The following DNHD1 variants were observed in gnomAD, a reference collection of about 807,000 sequenced individuals.
The protein encoded by DNHD1 is dynein heavy chain domain-containing protein 1.
Under a neutral mutation model 458.1 loss-of-function variants are expected in DNHD1, and 383 were observed. That is an observed-to-expected ratio of 0.84 (90% CI 0.77 to 0.91). The LOEUF (loss-of-function observed/expected upper bound fraction) is 0.91, where lower values mean the gene tolerates loss of function less well. Among genes scored for constraint, DNHD1 ranks in the 40% least tolerant of loss-of-function variants. The pLI is 0.00. For synonymous variants in DNHD1, 2,203 were observed against 2,376.9 expected (o/e 0.93, Z 2.13); for missense variants, 5,336 against 5,866.1 (o/e 0.91, Z 2.95).
Position 6,544,467 on chromosome 11 carries a change from T to G in DNHD1, c.3755-107T>G. The G allele has an allele frequency of 2.8e-6, 3 of 1,061,452 alleles. No individual in the cohort carries two copies. The South Asian group carries it at 4.7e-5, about 17-fold the overall frequency. The allele number at this position is 1,061,452 out of a possible 1,614,324, so 65.8% of individuals were successfully genotyped here. A position where few individuals can be genotyped will look rare whatever the true frequency, so the allele number is the denominator to read the frequency against. Reference sequence around the variant, plus strand: ...CCTGAGTCCTGCTGGGCAGAGTATTTTGCTTGGGCTGGTGGGGTACCTGAG... The same window carrying G: ...CCTGAGTCCTGCTGGGCAGAGTATTGTGCTTGGGCTGGTGGGGTACCTGAG... On this transcript the variant is annotated intron_variant, in intron 19 of 42. Transcript: ENST00000254579.
chr11:6,506,972 G>A (rs1239502144), intron 4 of DNHD1, among the ~76,000 whole-genome samples: 2 of 152,188 alleles, frequency 1.3e-5, no homozygotes, highest in Non-Finnish European at 2.9e-5. Flanking sequence ...TAGATATTGA[G>A]TTTAGTACAG....
rs1159891937 is a variant in DNHD1, at chr11:6,519,710, G to A, written c.1503G>A (p.Lys501=). The A allele has an allele frequency of 5.0e-6, 8 of 1,614,206 alleles. No homozygotes were observed. The highest frequency in any genetic ancestry group is 5.9e-6 in the Non-Finnish European group (7 of 1,180,034). ...TATACCTTCAGAGGGTACAGCACAA[G>A]CAACTGGAGCAGAAGCTGAAGCAAG... ...GSIYLQRVQH[K]QLEQKLKQAE... Residue 501 remains lysine (K), a synonymous_variant, in exon 8 of 43, where the codon AAG becomes AAA. Transcript: ENST00000254579.
chr11:6,519,252 T>G lies in DNHD1; in HGVS notation c.1393-348T>G, dbSNP rs1852553130. Among the ~76,000 whole-genome samples the G allele has an allele frequency of 2.0e-5, 3 of 152,214 alleles. No individual in the cohort carries two copies. In the South Asian group the frequency reaches 6.2e-4, roughly 32 times the overall value. On this transcript the variant is annotated intron_variant, in intron 7 of 42. Coordinates refer to ENST00000254579, the MANE Select transcript of DNHD1 (RefSeq NM_144666.3). ...CATATCCTGAAATTATTGTTTAGCC[T>G]TATTTATCCCATCTTTTTCTTTTTG...
intron 28 of DNHD1, 47 bp from the exon 29 acceptor site, chr11:6,562,935 G>C (rs192798606): frequency 2.0e-5 from 31 of 1,534,782 alleles, no homozygotes; most frequent in African/African-American, 2.8e-5. Flanking sequence ...GGGGTTTCCC[G>C]CGTGGCCCAA....
intron 10 of DNHD1, among the ~76,000 whole-genome samples, chr11:6,526,024 TCTC>T (rs1311378638): frequency 6.8e-6 from 1 of 147,260 alleles, no homozygotes; most frequent in Admixed American, 6.8e-5. Context: ...TAATATTTGT[TCTC>T]TTCCCTTGCT....
At chr11:6,523,457 T>C (rs895342798) in intron 10 of DNHD1, among the ~76,000 whole-genome samples, 6 of 152,114 alleles carry the variant, frequency 3.9e-5, no homozygotes, top group East Asian at 3.9e-4. Context: ...TGAGGAGTCA[T>C]ATAAATATGT....
chr11:6,511,478 C>T (rs1852334895), intron 7 of DNHD1, 49 bp downstream of exon 7: 1 of 1,597,858 alleles, frequency 6.3e-7, no homozygotes, highest in African/African-American at 1.3e-5. Flanking sequence ...GTTGAGCTCC[C>T]CAGAGTTTCA....
At chr11:6,563,262 G>A in intron 29 of DNHD1, 120 bp from the exon 30 acceptor site, 1 of 1,506,916 alleles carries the variant, frequency 6.6e-7, no homozygotes, top group Non-Finnish European at 9.0e-7. Flanking sequence ...AAAGGTAATA[G>A]GATGGCTTGG....
chr11:6,563,186 C>T, intron 29 of DNHD1, 55 bp downstream of exon 29: 3 of 1,549,676 alleles, frequency 1.9e-6, no homozygotes, highest in Non-Finnish European at 2.6e-6. Context: ...AGAGGGCAAC[C>T]CCTCTAAGGA....
At chr11:6,552,073 A>AT (rs1371760714) in intron 24 of DNHD1, among the ~76,000 whole-genome samples, 2 of 148,600 alleles carry the variant, frequency 1.3e-5, no homozygotes, top group Admixed American at 1.3e-4. Context: ...TGGGACCCTC[A>AT]TTTAAAAAAA....
chr11:6,545,006 T>C lies in DNHD1; in HGVS notation c.4067T>C (p.Phe1356Ser), dbSNP rs1053409217. ...ESVLYGVCAH[F>S]PRLFFLSDSE... Reference sequence around the variant, plus strand: ...GTGCTCTATGGGGTGTGTGCTCACTTCCCCCGCCTCTTCTTCCTTAGTGAC... The same window carrying C: ...GTGCTCTATGGGGTGTGTGCTCACTCCCCCCGCCTCTTCTTCCTTAGTGAC... The change falls in exon 21 of 43, where the codon TTC becomes TCC. Residue 1356 changes from phenylalanine to serine, a missense_variant. Phe to Ser is a radical substitution (Grantham distance 155). This residue lies in a region of DNHD1 where 3,932 missense variants were observed against 4,365.6 expected (regional missense o/e 0.90). Transcript: ENST00000254579. The surrounding 1 kb of genome is among the most constrained non-coding windows in gnomAD (Gnocchi z 4.9). The C allele has an allele frequency of 1.7e-5, 26 of 1,551,456 alleles. No individual in the cohort carries two copies. The Middle Eastern group carries it at 6.7e-4, about 40-fold the overall frequency.
intron 3 of DNHD1, among the ~76,000 whole-genome samples, chr11:6,501,299 G>T (rs930166346): frequency 1.9e-5 from 1 of 51,876 alleles, no homozygotes; most frequent in Non-Finnish European, 3.6e-5. Context: ...GTCTGGGTAG[G>T]GATTTTTTTT....
At position 6,566,938 on chromosome 11, in the gene DNHD1, A is replaced by G; in HGVS notation, c.11429A>G (p.Gln3810Arg). The G allele has an allele frequency of 1.2e-6, 2 of 1,613,854 alleles. No individual in the cohort carries two copies. The highest frequency in any genetic ancestry group is 1.7e-6 in the Non-Finnish European group (2 of 1,179,800). ...TMLLFQNPKR[Q>R]KPAKFLRNIV... ...CTGCTGTTCCAGAATCCGAAGCGTCAGAAGCCAGCCAAGTTTCTGCGGAAC... is the reference window on the plus strand; with the variant it reads ...CTGCTGTTCCAGAATCCGAAGCGTCGGAAGCCAGCCAAGTTTCTGCGGAAC... The change falls in exon 36 of 43, where the codon CAG becomes CGG. Residue 3810 changes from glutamine to arginine, a missense_variant. Physicochemically the swap from Gln to Arg is conservative, Grantham distance 43. Transcript: ENST00000254579.
At chr11:6,511,908 C>T (rs1852341388) in intron 7 of DNHD1, among the ~76,000 whole-genome samples, 1 of 152,182 alleles carries the variant, frequency 6.6e-6, no homozygotes, top group Admixed American at 6.5e-5. Context: ...GGGAGGCCCT[C>T]CTGTGTACTG....
chr11:6,504,630 G>A (rs978633699), intron 4 of DNHD1, among the ~76,000 whole-genome samples: 1 of 152,088 alleles, frequency 6.6e-6, no homozygotes, highest in Non-Finnish European at 1.5e-5. Context: ...TGTATTTTTA[G>A]TAGAGACAGG....
chr11:6,543,579 C>G (rs954336016), intron 18 of DNHD1, among the ~76,000 whole-genome samples: 1 of 152,118 alleles, frequency 6.6e-6, no homozygotes, highest in Admixed American at 6.6e-5. Flanking sequence ...GCCCACAGTG[C>G]CTTGGGAAAG....
In DNHD1 at chr11:6,538,828, C is replaced by T; in HGVS notation, c.3325+18C>T. 6.8e-7 allele frequency: 1 copy of T among 1,480,706 alleles called. No individual in the cohort carries two copies. Among genetic ancestry groups the T allele is most frequent in the Admixed American group, 2.3e-5 (1 of 43,746 alleles). The allele number at this position is 1,480,706 out of a possible 1,614,324, so 91.7% of individuals were successfully genotyped here. On this transcript the variant is annotated intron_variant, in intron 16 of 42. Coordinates refer to ENST00000254579, the MANE Select transcript of DNHD1 (RefSeq NM_144666.3). ...CCTGCGTGGTATGTTTGGTTAATGT[C>T]AGAGGAGGGGGAAAGGGAAATATGT...
intron 10 of DNHD1, among the ~76,000 whole-genome samples, chr11:6,524,612 T>G (rs1565002073): frequency 6.6e-6 from 1 of 152,216 alleles, no homozygotes; most frequent in Non-Finnish European, 1.5e-5. Context: ...GCTTTATTCA[T>G]AAGCTATGGC....
chr11:6,531,511 AAAG>A (rs1852827935), intron 12 of DNHD1, among the ~76,000 whole-genome samples: 1 of 147,344 alleles, frequency 6.8e-6, no homozygotes, highest in East Asian at 2.1e-4. Context: ...TACTGGTCCA[AAAG>A]CAGCACCATA....
Sources: allele counts gnomAD v4.1 joint callset (sites outside exome capture counted in the v4.1 genomes callset), GRCh38; gene constraint gnomAD v4.1.1; regional missense constraint gnomAD v4.1.1; non-coding constraint Gnocchi (gnomAD v3.1); transcripts MANE v1.5; gene names NCBI Gene and HGNC (gene_info 2026-07-23, HGNC 2026-07-21).